The following PSD3 variants were observed in gnomAD, a reference collection of about 807,000 sequenced individuals.
PSD3 encodes PH and SEC7 domain-containing protein 3.
In PSD3, 49 loss-of-function variants were observed where a neutral mutation model predicts 105.5. The observed-to-expected ratio is 0.46, with a 90% CI of 0.37 to 0.59. The LOEUF is 0.59. PSD3 is among the 20% of genes least tolerant of loss of function. PSD3 has a pLI of 0.00. For missense variants in PSD3, 1,561 were observed against 1,263.8 expected (o/e 1.24, Z -3.57); for synonymous variants, 557 against 457.8 (o/e 1.22, Z -2.77).
Position 18,867,713 on chromosome 8 carries a change from A to C in PSD3, c.1595T>G (p.Ile532Ser). 1 of 1,614,012 alleles carries C rather than the reference A, an allele frequency of 6.2e-7. No homozygotes were observed. The highest frequency in any genetic ancestry group is 8.5e-7 in the Non-Finnish European group (1 of 1,179,932). ...AATCTCCGGGGTGCCTTTCGTGTAG[A>C]TGGAGTCGCTGGCATCATTCAGCCC... ...TNGLNDASDSIYTKGTPEIAF... is the reference protein window; with the variant it reads ...TNGLNDASDSSYTKGTPEIAF... The change falls in exon 4 of 16, where the codon ATC becomes AGC. Residue 532 changes from isoleucine to serine, a missense_variant. Coordinates refer to ENST00000327040, the MANE Select transcript of PSD3 (RefSeq NM_015310.4).
At chr8:19,018,542 G>C (rs532215951), upstream of PSD3, among the ~76,000 whole-genome samples, 2 of 152,134 alleles carry the variant, frequency 1.3e-5, no homozygotes, top group Non-Finnish European at 2.9e-5. Flanking sequence ...TGTTCCAATA[G>C]TCAATTCATT....
chr8:18,613,145 G>A (rs1376206409), intron 11 of PSD3, among the ~76,000 whole-genome samples: 3 of 152,086 alleles, frequency 2.0e-5, no homozygotes, highest in Non-Finnish European at 4.4e-5. Context: ...GATAGAGACA[G>A]GAGGCAGCCA....
intron 4 of PSD3, among the ~76,000 whole-genome samples, chr8:18,862,431 A>G (rs1253394895): frequency 6.6e-6 from 1 of 152,134 alleles, no homozygotes; most frequent in Admixed American, 6.5e-5. Context: ...GAAGCCAGAA[A>G]GAGAAAAATG....
At chr8:18,739,071 T>C (rs1371331597) in intron 9 of PSD3, among the ~76,000 whole-genome samples, 2 of 152,160 alleles carry the variant, frequency 1.3e-5, no homozygotes, top group Admixed American at 6.5e-5. Flanking sequence ...TAAACATGTT[T>C]GTGGTTCAAA....
At chr8:18,752,698 AAT>A (rs1240480812) in intron 9 of PSD3, among the ~76,000 whole-genome samples, 3 of 113,264 alleles carry the variant, frequency 2.6e-5, no homozygotes, top group Non-Finnish European at 5.3e-5. Context: ...TATATGATAT[AAT>A]ATATAATATA....
chr8:19,066,626 A>G (rs1829083623), intron 1 of PSD3, among the ~76,000 whole-genome samples: 1 of 152,230 alleles, frequency 6.6e-6, no homozygotes, highest in African/African-American at 2.4e-5. Flanking sequence ...CTGTACTCAT[A>G]TTCAGAGGTT....
chr8:18,591,659 GA>G (rs1017094289), intron 12 of PSD3, among the ~76,000 whole-genome samples: 10 of 152,122 alleles, frequency 6.6e-5, no homozygotes, highest in Admixed American at 6.6e-4. Context: ...TAGTGTACTT[GA>G]TTTCTCCCTT....
intron 4 of PSD3, among the ~76,000 whole-genome samples, chr8:18,831,166 G>C (rs1813651593): frequency 6.6e-6 from 1 of 152,154 alleles, no homozygotes; most frequent in Admixed American, 6.5e-5. Flanking sequence ...CTATTAATCT[G>C]GTTCTGAAGC....
chr8:19,083,329 T>C (rs1254380492), intron 1 of PSD3, among the ~76,000 whole-genome samples: 1 of 152,168 alleles, frequency 6.6e-6, no homozygotes, highest in African/African-American at 2.4e-5. Context: ...GAGGGTGGGC[T>C]GCAGGCACAA....
intron 9 of PSD3, among the ~76,000 whole-genome samples, chr8:18,752,503 TATATATAATA>T (rs1563224904): frequency 0.011 from 832 of 75,468 alleles, 27 homozygotes; most frequent in African/African-American, 0.053. Flanking sequence ...ATATATATAA[TATATATAATA>T]TATGTAATAT....
chr8:19,020,972 G>C (rs1586636741), intron 1 of PSD3, among the ~76,000 whole-genome samples: 1 of 152,130 alleles, frequency 6.6e-6, no homozygotes, highest in African/African-American at 2.4e-5. Flanking sequence ...CAAGCCACTG[G>C]ATATACAAAA....
At chr8:18,787,636 C>T (rs1436785479) in intron 8 of PSD3, among the ~76,000 whole-genome samples, 1 of 152,114 alleles carries the variant, frequency 6.6e-6, no homozygotes, top group Non-Finnish European at 1.5e-5. Flanking sequence ...CGGAGGCCTA[C>T]GTCATCCCGC....
intron 8 of PSD3, among the ~76,000 whole-genome samples, chr8:18,769,867 T>A (rs963586042): frequency 1.3e-5 from 2 of 152,266 alleles, no homozygotes; most frequent in African/African-American, 2.4e-5. Flanking sequence ...CCAATTGTGT[T>A]TCTTCATTTA....
intron 1 of PSD3, among the ~76,000 whole-genome samples, chr8:19,082,341 T>G (rs1829670593): frequency 6.6e-6 from 1 of 152,192 alleles, no homozygotes; most frequent in South Asian, 2.1e-4. Context: ...CTGATTTGGC[T>G]TCTCCTCTTT....
chr8:18,918,363 A>G (rs940425963), intron 2 of PSD3, among the ~76,000 whole-genome samples: 1 of 152,150 alleles, frequency 6.6e-6, no homozygotes, highest in East Asian at 1.9e-4. Context: ...ATCCTGACTG[A>G]GGTACAAATT....
chr8:18,938,106 C>T (rs1822272027), intron 1 of PSD3, among the ~76,000 whole-genome samples: 1 of 152,090 alleles, frequency 6.6e-6, no homozygotes, highest in Admixed American at 6.5e-5. Flanking sequence ...TTATGGGATA[C>T]AGTGATTCAT....
intron 1 of PSD3, among the ~76,000 whole-genome samples, chr8:18,965,626 C>T (rs1217866135): frequency 6.6e-6 from 1 of 152,136 alleles, no homozygotes; most frequent in Non-Finnish European, 1.5e-5. Flanking sequence ...CAGATAGACT[C>T]GAAGCTGCAA....
intron 1 of PSD3, among the ~76,000 whole-genome samples, chr8:18,973,991 C>T (rs1824792822): frequency 6.6e-6 from 1 of 152,182 alleles, no homozygotes; most frequent in Non-Finnish European, 1.5e-5. Context: ...GATCCCAGAC[C>T]ATCACACTCC....
At chr8:18,639,608 G>C (rs1014451747) in intron 10 of PSD3, among the ~76,000 whole-genome samples, 1 of 152,074 alleles carries the variant, frequency 6.6e-6, no homozygotes, top group African/African-American at 2.4e-5. Context: ...ACATACAGAA[G>C]GAAGACCCTG....
Sources: allele counts gnomAD v4.1 joint callset (sites outside exome capture counted in the v4.1 genomes callset), GRCh38; gene constraint gnomAD v4.1.1; transcripts MANE v1.5; gene names NCBI Gene and HGNC (gene_info 2026-07-23, HGNC 2026-07-21).